Variants in SPAG9 observed in about 807,000 individuals in gnomAD.
SPAG9 encodes the protein sperm associated antigen 9, also known as C-Jun-amino-terminal kinase-interacting protein 4.
SPAG9 carries 35 observed loss-of-function variants against 166.5 expected under a neutral mutation model. That is an observed-to-expected ratio of 0.21 (90% CI 0.16 to 0.28). The LOEUF is 0.28. Among genes scored for constraint, SPAG9 ranks in the 10% least tolerant of loss-of-function variants. The probability of loss-of-function intolerance (pLI) is 1.00; values close to 1 mark genes in which losing one functional copy is unlikely to be tolerated. For synonymous variants in SPAG9, 534 were observed against 565.5 expected (o/e 0.94, Z 0.79); for missense variants, 1,235 against 1,603.3 (o/e 0.77, Z 3.92).
intron 9 of SPAG9, among the ~76,000 whole-genome samples, chr17:51,013,095 AC>A (rs1413108757): frequency 6.6e-5 from 10 of 152,226 alleles, no homozygotes; most frequent in African/African-American, 2.2e-4. Context: ...CAAGGACATA[AC>A]TGGCAATCAA....
chr17:51,007,094 T>G (rs1237868863), intron 10 of SPAG9, among the ~76,000 whole-genome samples, 175 bp downstream of exon 10: 1 of 151,284 alleles, frequency 6.6e-6, no homozygotes, highest in Non-Finnish European at 1.5e-5. Flanking sequence ...CAGGGCAGTG[T>G]AGGTCCCAAC....
At chr17:51,096,022 GAT>G (rs200258056) in intron 1 of SPAG9, among the ~76,000 whole-genome samples, 3,815 of 95,184 alleles carry the variant, frequency 0.04, 446 homozygotes, top group African/African-American at 0.15. Context: ...TATATATAGT[GAT>G]ATATATATAT....
chr17:51,114,829 G>C (rs376021337), intron 1 of SPAG9, among the ~76,000 whole-genome samples: 1 of 151,446 alleles, frequency 6.6e-6, no homozygotes, highest in Non-Finnish European at 1.5e-5. Context: ...GTGCACACCT[G>C]TAATCCCAGC....
At chr17:50,995,618 A>G (rs778291415) in intron 16 of SPAG9, 85 bp from the exon 17 acceptor site, 7 of 814,214 alleles carry the variant, frequency 8.6e-6, no homozygotes, top group South Asian at 4.4e-5. Context: ...CTGAGACATG[A>G]GCAAGCACTG....
chr17:51,028,546 G>A (rs1208522596), intron 6 of SPAG9, among the ~76,000 whole-genome samples: 1 of 152,156 alleles, frequency 6.6e-6, no homozygotes, highest in Non-Finnish European at 1.5e-5. Context: ...TGCTGCACAG[G>A]TTGCAGCCTA....
intron 2 of SPAG9, among the ~76,000 whole-genome samples, chr17:51,075,037 T>C (rs1258393622): frequency 6.7e-6 from 1 of 150,168 alleles, no homozygotes; most frequent in Non-Finnish European, 1.5e-5. Context: ...TCTCTACAAA[T>C]ATACAAAAAT....
chr17:51,001,988 A>T lies in SPAG9; in HGVS notation c.1477-143T>A, dbSNP rs993085363. The T allele has an allele frequency of 5.0e-5, 36 of 727,266 alleles. No individual in the cohort carries two copies. The South Asian group carries it at 6.2e-4, about 12-fold the overall frequency. 45.1% of individuals were successfully genotyped at this position (727,266 alleles called of 1,614,324 possible). On this transcript the variant is annotated intron_variant, in intron 12 of 29. Coordinates refer to ENST00000262013, the MANE Select transcript of SPAG9 (RefSeq NM_001130528.3). Reference sequence around the variant, plus strand: ...ATCATTTAAAGAAAAATGGCTTTATAAAAACAAAATCAACAAAGACTTTTT... The same window carrying T: ...ATCATTTAAAGAAAAATGGCTTTATTAAAACAAAATCAACAAAGACTTTTT...
rs2049456853 is a variant in SPAG9, at chr17:51,120,783, TGGGCCCGGCGGGGTGGGGGCC to T, written c.-148_-128del. 2.7e-6 allele frequency: 2 copies of T among 731,076 alleles called. No homozygotes were observed. Among genetic ancestry groups the T allele is most frequent in the South Asian group, 2.8e-5 (1 of 35,390 alleles). The allele number at this position is 731,076 out of a possible 1,614,324, so 45.3% of individuals were successfully genotyped here. ...CTGGAGCCCGGGCCGGGGCTGGGGC[TGGGCCCGGCGGGGTGGGGGCC>T]GGGGCCGGAGGAGGGGAGGGGTGGC... On this transcript the variant is annotated 5_prime_UTR_variant, in exon 1 of 30. Transcript: ENST00000262013. The surrounding 1 kb of genome is among the most constrained non-coding windows in gnomAD (Gnocchi z 4.7).
chr17:51,008,643 C>T (rs763473677), intron 9 of SPAG9, among the ~76,000 whole-genome samples: 8 of 152,078 alleles, frequency 5.3e-5, no homozygotes, highest in Non-Finnish European at 1.0e-4. Context: ...TACCTGGACT[C>T]ATATTTTGTC....
chr17:50,986,643 A>C (rs369897191), intron 22 of SPAG9, among the ~76,000 whole-genome samples: 62 of 152,186 alleles, frequency 4.1e-4, no homozygotes, highest in African/African-American at 1.5e-3. Flanking sequence ...CAAACCATAT[A>C]ATATTAGTCA....
chr17:51,006,491 T>A (rs1317634250), intron 10 of SPAG9, among the ~76,000 whole-genome samples: 1 of 152,186 alleles, frequency 6.6e-6, no homozygotes, highest in Non-Finnish European at 1.5e-5. Flanking sequence ...ATTTTAAAAA[T>A]AGCATTCAAA....
At chr17:51,099,018 T>G (rs1341951000) in intron 1 of SPAG9, among the ~76,000 whole-genome samples, 1 of 149,196 alleles carries the variant, frequency 6.7e-6, no homozygotes, top group African/African-American at 2.5e-5. Context: ...AAGAACTGCT[T>G]GAACCCAGGA....
At chr17:51,053,853 A>ATATAT (rs2047260847) in intron 3 of SPAG9, among the ~76,000 whole-genome samples, 19 of 56,180 alleles carry the variant, frequency 3.4e-4, no homozygotes, top group African/African-American at 5.1e-4. Context: ...AAAAAAAAAA[A>ATATAT]AGTATATATA....
intron 1 of SPAG9, among the ~76,000 whole-genome samples, chr17:51,112,671 C>CAA (rs1206604151): frequency 0.029 from 1,195 of 41,352 alleles, 171 homozygotes; most frequent in African/African-American, 0.049. Context: ...TCTGTCTCAA[C>CAA]AAAAAAAAAA....
chr17:50,982,875 T>G (rs1173312964), intron 24 of SPAG9, among the ~76,000 whole-genome samples: 1 of 152,214 alleles, frequency 6.6e-6, no homozygotes. Flanking sequence ...GGTCATCTGC[T>G]TCAAAGTGCC....
chr17:51,103,389 T>C (rs1213533294), intron 1 of SPAG9, among the ~76,000 whole-genome samples: 1 of 152,052 alleles, frequency 6.6e-6, no homozygotes, highest in Non-Finnish European at 1.5e-5. Flanking sequence ...CACAGTCGGG[T>C]GTTAAGGCTT....
intron 5 of SPAG9, among the ~76,000 whole-genome samples, chr17:51,032,863 G>A (rs772045749): frequency 1.6e-4 from 25 of 152,188 alleles, no homozygotes; most frequent in Admixed American, 4.6e-4. Context: ...GAACCCAGGA[G>A]GAGGAGGTTG....
chr17:51,064,591 A>G (rs1042353472), intron 2 of SPAG9, among the ~76,000 whole-genome samples: 2 of 152,216 alleles, frequency 1.3e-5, no homozygotes, highest in African/African-American at 4.8e-5. Flanking sequence ...AGCCAGTCAC[A>G]AAAGACCATA....
chr17:51,066,116 T>C (rs2047655983), intron 2 of SPAG9, among the ~76,000 whole-genome samples: 2 of 152,062 alleles, frequency 1.3e-5, no homozygotes, highest in African/African-American at 4.8e-5. Context: ...ACGCTTTTTT[T>C]TTTTCTTGAG....
Sources: gnomAD v4.1 joint callset for allele counts (sites outside exome capture counted in the v4.1 genomes callset) on GRCh38, gnomAD v4.1.1 for gene constraint, Gnocchi (gnomAD v3.1) non-coding constraint, MANE v1.5 for transcripts, NCBI Gene and HGNC (gene_info 2026-07-23, HGNC 2026-07-21) for gene names.